GRID1: variants seen among roughly 807,000 people sequenced by gnomAD.
GRID1 encodes glutamate receptor ionotropic, delta-1.
In GRID1, 28 loss-of-function variants were observed where a neutral mutation model predicts 98.0. The observed-to-expected ratio is 0.29, with a 90% CI of 0.21 to 0.39. The LOEUF is 0.39. GRID1 is among the 10% of genes least tolerant of loss of function. The pLI is 1.00. For synonymous variants in GRID1, 553 were observed against 538.5 expected (o/e 1.03, Z -0.37); for missense variants, 1,111 against 1,340.5 (o/e 0.83, Z 2.67).
chr10:86,318,665 G>C (rs1847930512), intron 2 of GRID1, among the ~76,000 whole-genome samples: 1 of 152,234 alleles, frequency 6.6e-6, no homozygotes, highest in African/African-American at 2.4e-5. Flanking sequence ...GGACAGCAGG[G>C]AAGAGGAACT....
chr10:85,905,409 A>T (rs767241768), intron 5 of GRID1, among the ~76,000 whole-genome samples: 43 of 151,984 alleles, frequency 2.8e-4, no homozygotes, highest in Non-Finnish European at 3.2e-4. Context: ...GAGAAATGAT[A>T]CCAGATCAAA....
intron 4 of GRID1, among the ~76,000 whole-genome samples, chr10:86,125,891 C>A (rs1346845658): frequency 6.6e-6 from 1 of 152,120 alleles, no homozygotes; most frequent in South Asian, 2.1e-4. Flanking sequence ...GTATATAATA[C>A]CTATAACATA....
At chr10:86,173,764 C>T (rs1845530752) in intron 3 of GRID1, among the ~76,000 whole-genome samples, 1 of 141,768 alleles carries the variant, frequency 7.1e-6, no homozygotes, top group Non-Finnish European at 1.5e-5. Context: ...TGTGATGTTC[C>T]CCTTCCTGTG....
chr10:85,844,462 CACACAA>C (rs1842988043), intron 8 of GRID1, among the ~76,000 whole-genome samples: 1 of 136,930 alleles, frequency 7.3e-6, no homozygotes, highest in African/African-American at 2.8e-5. Flanking sequence ...CACACACACA[CACACAA>C]ATGAAACTGG....
intron 5 of GRID1, among the ~76,000 whole-genome samples, chr10:85,893,318 GA>G (rs1283007232): frequency 2.0e-5 from 3 of 152,198 alleles, no homozygotes; most frequent in Admixed American, 2.0e-4. Context: ...CTAAGAGCAG[GA>G]AAAAGGCATA....
chr10:85,992,385 A>G (rs1842691047), intron 4 of GRID1, among the ~76,000 whole-genome samples: 1 of 152,190 alleles, frequency 6.6e-6, no homozygotes, highest in African/African-American at 2.4e-5. Context: ...TCACAAAGAA[A>G]AGGGAACAGG....
intron 12 of GRID1, among the ~76,000 whole-genome samples, chr10:85,657,967 C>T (rs1471979794): frequency 6.6e-6 from 1 of 152,266 alleles, no homozygotes; most frequent in African/African-American, 2.4e-5. Flanking sequence ...TCTCAACACC[C>T]GCAAATATTT....
chr10:85,790,316 C>T (rs1395872090), intron 8 of GRID1, among the ~76,000 whole-genome samples: 1 of 152,216 alleles, frequency 6.6e-6, no homozygotes, highest in African/African-American at 2.4e-5. Flanking sequence ...AATGAGATGA[C>T]ACAGAGGCTG....
intron 4 of GRID1, among the ~76,000 whole-genome samples, chr10:86,063,926 C>T (rs1843683729): frequency 6.6e-6 from 1 of 152,068 alleles, no homozygotes; most frequent in Non-Finnish European, 1.5e-5. Context: ...GCAGCAGAGA[C>T]CATATATGCT....
intron 2 of GRID1, among the ~76,000 whole-genome samples, chr10:86,354,238 C>T (rs1420045126): frequency 1.3e-5 from 2 of 152,246 alleles, no homozygotes; most frequent in Non-Finnish European, 2.9e-5. Context: ...CATGGGTGGG[C>T]TGGGCCCAGA....
intron 5 of GRID1, among the ~76,000 whole-genome samples, chr10:85,900,519 C>G (rs1184620521): frequency 6.6e-6 from 1 of 152,164 alleles, no homozygotes; most frequent in Admixed American, 6.5e-5. Flanking sequence ...CTCCCTTTCC[C>G]AAGCATTTTT....
At chr10:85,690,872 GACAC>G (rs113101674) in intron 12 of GRID1, among the ~76,000 whole-genome samples, 1 of 150,248 alleles carries the variant, frequency 6.7e-6, no homozygotes, top group African/African-American at 2.4e-5. Flanking sequence ...CAGCAGTGCA[GACAC>G]ACACACACAC....
At chr10:86,299,432 C>T (rs1270668337) in intron 2 of GRID1, among the ~76,000 whole-genome samples, 1 of 151,496 alleles carries the variant, frequency 6.6e-6, no homozygotes, top group Non-Finnish European at 1.5e-5. Flanking sequence ...GTGCTGCACC[C>T]ATTAACTCGT....
chr10:86,237,339 G>C lies in GRID1; in HGVS notation c.236-30691C>G, dbSNP rs558743853. ...CTGGTGGGAGGTGACTAGATCATGA[G>C]GGTGGATTTCCCTCTTGCTGTTCTT... On this transcript the variant is annotated intron_variant, in intron 2 of 15. Transcript: ENST00000327946. 6.7e-4 allele frequency among the ~76,000 whole-genome samples: 102 copies of C among 152,274 alleles called. 1 individual carries two copies. The highest frequency in any genetic ancestry group is 2.4e-3 in the African/African-American group (99 of 41,550).
At chr10:85,618,030 C>T (rs71471166) in intron 14 of GRID1, among the ~76,000 whole-genome samples, 17,745 of 152,276 alleles carry the variant, frequency 0.12, 1,166 homozygotes, top group Non-Finnish European at 0.15. Flanking sequence ...CTCATCTCCA[C>T]CTTCTCCAGG....
intron 4 of GRID1, among the ~76,000 whole-genome samples, chr10:85,963,315 C>T (rs549425863): frequency 7.2e-5 from 11 of 152,250 alleles, no homozygotes; most frequent in Admixed American, 6.5e-4. Context: ...TTCCTTTCTC[C>T]ACTGCCACTA....
chr10:86,118,166 A>T (rs1844613484), intron 4 of GRID1, among the ~76,000 whole-genome samples: 1 of 152,218 alleles, frequency 6.6e-6, no homozygotes, highest in African/African-American at 2.4e-5. Context: ...AATGGAATGA[A>T]ATAATGGCAT....
At chr10:85,958,594 A>G (rs989348855) in intron 4 of GRID1, among the ~76,000 whole-genome samples, 1 of 152,180 alleles carries the variant, frequency 6.6e-6, no homozygotes, top group African/African-American at 2.4e-5. Flanking sequence ...TCAGTAACTA[A>G]GTAAGGTAGA....
chr10:85,754,135 A>C (rs1842073485), intron 8 of GRID1, among the ~76,000 whole-genome samples: 1 of 152,230 alleles, frequency 6.6e-6, no homozygotes, highest in African/African-American at 2.4e-5. Context: ...AAAGCCAGAA[A>C]TCACATGCCA....
Sources: gnomAD v4.1 joint callset for allele counts (sites outside exome capture counted in the v4.1 genomes callset) on GRCh38, gnomAD v4.1.1 for gene constraint, MANE v1.5 for transcripts, NCBI Gene and HGNC (gene_info 2026-07-23, HGNC 2026-07-21) for gene names.